GDPD5: variants seen among roughly 807,000 people sequenced by gnomAD.
The protein encoded by GDPD5 is glycerophosphodiester phosphodiesterase domain containing 5, also known as glycerophosphodiester phosphodiesterase 2.
A neutral mutation model predicts 75.1 loss-of-function variants in GDPD5; 48 were observed. The ratio of observed to expected loss-of-function variants is 0.64; its 90% CI spans 0.51 to 0.81. GDPD5 has a LOEUF of 0.81. GDPD5 is among the 40% of genes least tolerant of loss of function. The pLI, the probability that GDPD5 is intolerant of heterozygous loss-of-function variation, is 0.00. For missense variants in GDPD5, 706 were observed against 822.6 expected, an observed-to-expected ratio of 0.86 and a Z score of 1.73; for synonymous variants, 336 against 339.0, an observed-to-expected ratio of 0.99 and a Z score of 0.10.
At chr11:75,486,570 A>C (rs925696922) in intron 2 of GDPD5, among the ~76,000 whole-genome samples, 1 of 152,172 alleles carries the variant, frequency 6.6e-6, no homozygotes, top group Non-Finnish European at 1.5e-5. Flanking sequence ...TTGGAGCAGG[A>C]CCAGGGCCTT....
At chr11:75,523,167 A>C (rs1941528778) in intron 1 of GDPD5, among the ~76,000 whole-genome samples, 1 of 152,314 alleles carries the variant, frequency 6.6e-6, no homozygotes, top group East Asian at 1.9e-4. Flanking sequence ...TCCTCGCAAC[A>C]ACCTGCTAAA....
chr11:75,441,351 G>A, intron 13 of GDPD5, 41 bp from the exon 14 acceptor site: 1 of 1,611,638 alleles, frequency 6.2e-7, no homozygotes. Context: ...GCGGACCCTG[G>A]CAGCTCCAGG....
intron 15 of GDPD5, chr11:75,438,225 C>T (rs1259141930): frequency 6.6e-6 from 1 of 152,312 alleles, no homozygotes; most frequent in East Asian, 1.9e-4. Context: ...CCAGTACCAT[C>T]AGTGCCTGCC....
At chr11:75,441,125 A>G (rs1948786195) in intron 14 of GDPD5, 38 bp downstream of exon 14, 5 of 1,600,748 alleles carry the variant, frequency 3.1e-6, no homozygotes, top group Admixed American at 1.7e-5. Context: ...AGGCAGCTCC[A>G]GCACTGCCCC....
chr11:75,461,396 G>C (rs1199745052), intron 4 of GDPD5, among the ~76,000 whole-genome samples: 1 of 152,176 alleles, frequency 6.6e-6, no homozygotes, highest in Admixed American at 6.5e-5. Flanking sequence ...GGCTGCCGCA[G>C]GGCAGGGGTG....
chr11:75,483,762 A>T (rs145555981), intron 2 of GDPD5, among the ~76,000 whole-genome samples: 4 of 152,260 alleles, frequency 2.6e-5, no homozygotes, highest in African/African-American at 9.6e-5. Flanking sequence ...GTATGATTCC[A>T]TGTATAAGAA....
At chr11:75,457,515 T>C (rs987612756) in intron 5 of GDPD5, among the ~76,000 whole-genome samples, 178 bp downstream of exon 5, 3 of 152,272 alleles carry the variant, frequency 2.0e-5, no homozygotes, top group Admixed American at 6.5e-5. Flanking sequence ...GAAAATGTTA[T>C]ACATATCTTT....
chr11:75,478,298 C>T (rs1004155061), intron 2 of GDPD5, among the ~76,000 whole-genome samples: 1 of 152,150 alleles, frequency 6.6e-6, no homozygotes, highest in Non-Finnish European at 1.5e-5. Flanking sequence ...TACAGGTGCC[C>T]ACCACATCTG....
intron 2 of GDPD5, among the ~76,000 whole-genome samples, chr11:75,481,279 C>G (rs1434172503): frequency 6.6e-6 from 1 of 152,242 alleles, no homozygotes; most frequent in Non-Finnish European, 1.5e-5. Flanking sequence ...ACCACCAGGC[C>G]TCACTCAGGG....
At chr11:75,437,127 T>G in intron 15 of GDPD5, 79 bp from the exon 16 acceptor site, 17 of 1,019,752 alleles carry the variant, frequency 1.7e-5, no homozygotes, top group Non-Finnish European at 2.6e-5. Context: ...TTCCAGAGCC[T>G]CTCTGGATGT....
chr11:75,442,905 CA>C, intron 11 of GDPD5: 1 of 619,810 alleles, frequency 1.6e-6, no homozygotes, highest in Non-Finnish European at 2.9e-6. Flanking sequence ...TCACTGCTCT[CA>C]TCCCTGTCAA....
At chr11:75,436,849 A>G in intron 16 of GDPD5, 87 bp downstream of exon 16, 1 of 952,310 alleles carries the variant, frequency 1.1e-6, no homozygotes, top group Non-Finnish European at 1.7e-6. Flanking sequence ...CCACATGTGA[A>G]TGTGTGTGCA....
chr11:75,486,664 C>T (rs1353728694), intron 2 of GDPD5, among the ~76,000 whole-genome samples: 1 of 152,160 alleles, frequency 6.6e-6, no homozygotes, highest in Non-Finnish European at 1.5e-5. Flanking sequence ...TGCAGCCCCT[C>T]CACCTATCCT....
In GDPD5 at chr11:75,498,303, C is replaced by T. The variant is rs1950247648; in HGVS notation, c.-144-7983G>A. Among the ~76,000 whole-genome samples the T allele has an allele frequency of 2.0e-5, 3 of 152,188 alleles. No homozygotes were observed. In the South Asian group the frequency reaches 6.2e-4, roughly 32 times the overall value. ...AGGAAGGGCAACCTGTTTATTTGTT[C>T]CTGGAATGTGTTGACCAACGCAAGT... On this transcript the variant is annotated intron_variant, in intron 1 of 16. Transcript: ENST00000336898.
chr11:75,499,746 G>C (rs1233488918), intron 1 of GDPD5, among the ~76,000 whole-genome samples: 2 of 152,148 alleles, frequency 1.3e-5, no homozygotes, highest in East Asian at 3.9e-4. Context: ...CAGAGATGGG[G>C]TTGGGTGTGG....
chr11:75,507,690 C>T (rs545168752), intron 1 of GDPD5, among the ~76,000 whole-genome samples: 1 of 152,354 alleles, frequency 6.6e-6, no homozygotes, highest in African/African-American at 2.4e-5. Context: ...GCTTCACACC[C>T]AAGGCTGGCC....
intron 3 of GDPD5, among the ~76,000 whole-genome samples, chr11:75,470,923 C>T (rs912619524): frequency 6.6e-6 from 1 of 152,202 alleles, no homozygotes; most frequent in Non-Finnish European, 1.5e-5. Context: ...CCCCCTTGTG[C>T]GGGCTCTGCC....
At chr11:75,441,565 TG>T in intron 13 of GDPD5, 80 bp downstream of exon 13, 3 of 1,263,678 alleles carry the variant, frequency 2.4e-6, no homozygotes, top group Non-Finnish European at 3.3e-6. Flanking sequence ...TGTGTGTGTG[TG>T]TGTTGGGGGG....
At chr11:75,468,686 C>G (rs544765168) in intron 3 of GDPD5, among the ~76,000 whole-genome samples, 1 of 151,912 alleles carries the variant, frequency 6.6e-6, no homozygotes, top group African/African-American at 2.4e-5. Context: ...GACGCCCCCC[C>G]CCCGGGAGGT....
Sources: gnomAD v4.1 joint callset for allele counts (sites outside exome capture counted in the v4.1 genomes callset) on GRCh38, gnomAD v4.1.1 for gene constraint, MANE v1.5 for transcripts, NCBI Gene and HGNC (gene_info 2026-07-23, HGNC 2026-07-21) for gene names.